DNAH7: variants seen among roughly 807,000 people sequenced by gnomAD.
The protein encoded by DNAH7 is dynein axonemal heavy chain 7.
In DNAH7, 397 loss-of-function variants were observed where a neutral mutation model predicts 444.6. The observed-to-expected ratio is 0.89, with a 90% CI of 0.82 to 0.97. The LOEUF is 0.97. Ranked by LOEUF, DNAH7 falls within the 50% of genes least tolerant of loss-of-function variation. The pLI, the probability that DNAH7 is intolerant of heterozygous loss-of-function variation, is 0.00. For missense variants in DNAH7, 4,902 were observed against 4,800.8 expected, an observed-to-expected ratio of 1.02 and a Z score of -0.62; for synonymous variants, 1,636 against 1,624.4, an observed-to-expected ratio of 1.01 and a Z score of -0.17.
rs1694797149 is a variant in DNAH7, at chr2:196,012,793, A to C, written c.983T>G (p.Leu328Arg). The stretch of plus-strand genomic sequence containing the variant: ...TGAAATTTCAAACCTTTACATTTTA[A>C]GTAGAGTCTCTTTGGCAGAGTCCAT... Reference protein sequence around the residue: ...RHMDSAKETLLKMWFPEVQNI... With the variant: ...RHMDSAKETLRKMWFPEVQNI... Residue 328 changes from leucine to arginine, a missense_variant, in exon 10 of 65, where the codon CTT becomes CGT. Coordinates refer to ENST00000312428, the MANE Select transcript of DNAH7 (RefSeq NM_018897.3). 2 of 1,599,396 alleles carry C rather than the reference A, an allele frequency of 1.3e-6. No individual in the cohort carries two copies. Among genetic ancestry groups the C allele is most frequent in the East Asian group, 4.6e-5 (2 of 43,912 alleles).
intron 60 of DNAH7, among the ~76,000 whole-genome samples, chr2:195,773,024 G>C (rs538334755): frequency 6.6e-6 from 1 of 152,018 alleles, no homozygotes; most frequent in East Asian, 1.9e-4. Flanking sequence ...CAGGTGATCC[G>C]CCTGCCTCGG....
At chr2:195,764,898 T>C (rs964315597) in intron 61 of DNAH7, among the ~76,000 whole-genome samples, 1 of 151,282 alleles carries the variant, frequency 6.6e-6, no homozygotes, top group Non-Finnish European at 1.5e-5. Flanking sequence ...CTAAAACTTA[T>C]ATGGAACCAC....
chr2:196,045,166 G>A (rs780600516), intron 5 of DNAH7, among the ~76,000 whole-genome samples: 1 of 149,018 alleles, frequency 6.7e-6, no homozygotes, highest in Non-Finnish European at 1.5e-5. Flanking sequence ...AGAAGAAGGA[G>A]GAGGAGGAGG....
At position 195,897,717 on chromosome 2, in the gene DNAH7, T is replaced by A; in HGVS notation, c.4597A>T (p.Ile1533Phe). The A allele has an allele frequency of 6.2e-7, 1 of 1,602,928 alleles. No individual in the cohort carries two copies. The highest frequency in any genetic ancestry group is 1.1e-5 in the South Asian group (1 of 88,734). Residue 1533 changes from isoleucine (I) to phenylalanine (F), a missense_variant, in exon 29 of 65, where the codon ATT becomes TTT. By Grantham distance (21) the Ile-to-Phe change is conservative (BLOSUM62 0). Transcript: ENST00000312428. The stretch of plus-strand genomic sequence containing the variant: ...AAAAATTTTGGCAGATTTACATCAA[T>A]GATAGATCTAAGCAGCAAAATTTCT... The part of the protein sequence containing the change: ...NEEILLLRSI[I>F]DVNLPKFLSH...
At chr2:195,820,724 T>C (rs1697425842) in intron 49 of DNAH7, among the ~76,000 whole-genome samples, 1 of 152,178 alleles carries the variant, frequency 6.6e-6, no homozygotes, top group South Asian at 2.1e-4. Flanking sequence ...AGCTAAAAAA[T>C]GCCATTTTGG....
intron 64 of DNAH7, among the ~76,000 whole-genome samples, 141 bp downstream of exon 64, chr2:195,740,611 GTGTGTATATATATA>G (rs1389440094): frequency 0.027 from 1,809 of 66,062 alleles, 21 homozygotes; most frequent in Admixed American, 0.041. Flanking sequence ...GTGTGTGTGT[GTGTGTATATATATA>G]TATATATATA....
chr2:195,807,897 T>C (rs1696785463), intron 53 of DNAH7, among the ~76,000 whole-genome samples: 2 of 152,226 alleles, frequency 1.3e-5, no homozygotes, highest in African/African-American at 2.4e-5. Context: ...TTCCAAATAT[T>C]TGAATTCGTG....
rs145095135 is a variant in DNAH7 at position 195,876,796 on chromosome 2, C to T, written c.5962-97G>A. The T allele has an allele frequency of 5.5e-5, 45 of 816,344 alleles. No homozygotes were observed. In the East Asian group the frequency reaches 1.1e-3, roughly 20 times the overall value. 50.6% of individuals were successfully genotyped at this position (816,344 alleles called of 1,614,324 possible). On this transcript the variant is annotated intron_variant, in intron 36 of 64. Transcript: ENST00000312428. ...TCATTACTGATAGACTCGAATTTAA[C>T]CTTAAGTGTTGTAACATTGTACAAA...
At chr2:195,752,717 A>G (rs979337210) in intron 63 of DNAH7, among the ~76,000 whole-genome samples, 19 of 152,154 alleles carry the variant, frequency 1.2e-4, no homozygotes, top group Non-Finnish European at 2.8e-4. Context: ...GATGTACTGG[A>G]AACAAAGAGA....
chr2:195,973,214 T>C (rs1363450538), intron 15 of DNAH7, among the ~76,000 whole-genome samples: 1 of 152,154 alleles, frequency 6.6e-6, no homozygotes, highest in African/African-American at 2.4e-5. Flanking sequence ...GTTTCATTTA[T>C]CCCAGTACTG....
chr2:195,748,533 T>C (rs1693573571), intron 63 of DNAH7, among the ~76,000 whole-genome samples: 1 of 152,130 alleles, frequency 6.6e-6, no homozygotes, highest in African/African-American at 2.4e-5. Context: ...GCGAAGTCAA[T>C]CCTAAGCCAA....
chr2:195,905,733 G>T (rs994106604), intron 27 of DNAH7: 2 of 150,936 alleles, frequency 1.3e-5, no homozygotes, highest in South Asian at 2.1e-4. Flanking sequence ...AAAATGGTGT[G>T]TTTTTTTTTA....
In DNAH7 at chr2:196,026,708, C is replaced by G. The variant is rs549770614; in HGVS notation, c.667+52G>C. 9.3e-6 allele frequency: 12 copies of G among 1,296,396 alleles called. No homozygotes were observed. In the East Asian group the frequency reaches 1.9e-4, roughly 21 times the overall value. The allele number at this position is 1,296,396 out of a possible 1,614,324, so 80.3% of individuals were successfully genotyped here. On this transcript the variant is annotated intron_variant, in intron 7 of 64. Coordinates refer to ENST00000312428, the MANE Select transcript of DNAH7 (RefSeq NM_018897.3). ...TAGGTATTATTAATACAAAAATAATCTTTAATGAGACACATATTTGAATTA... is the reference window on the plus strand; with the variant it reads ...TAGGTATTATTAATACAAAAATAATGTTTAATGAGACACATATTTGAATTA...
chr2:195,933,328 A>G (rs982707646), intron 21 of DNAH7, among the ~76,000 whole-genome samples: 127 of 152,312 alleles, frequency 8.3e-4, no homozygotes, highest in Non-Finnish European at 1.5e-3. Context: ...AACCATTGTG[A>G]AAGTCAGTGT....
Position 195,970,004 on chromosome 2 carries a change from G to T in DNAH7, c.2149C>A (p.Arg717=), listed in dbSNP as rs770254930. ...YSFGDLQDVQ[R]YLKKAQILNG... The stretch of plus-strand genomic sequence containing the variant: ...AGTATTTGAGCCTTTTTTAGGTACC[G>T]CTGAACATCCTGAAGATCTCCAAAT... Residue 717 remains arginine, a synonymous_variant, in exon 17 of 65, where the codon CGG becomes AGG. Transcript: ENST00000312428. 1 of 1,611,942 alleles carries T rather than the reference G, an allele frequency of 6.2e-7. No individual in the cohort carries two copies. The highest frequency in any genetic ancestry group is 8.5e-7 in the Non-Finnish European group (1 of 1,179,252).
At chr2:195,829,060 G>C (rs918313848) in intron 48 of DNAH7, among the ~76,000 whole-genome samples, 1 of 151,996 alleles carries the variant, frequency 6.6e-6, no homozygotes, top group Admixed American at 6.5e-5. Context: ...AGCCTTCTCT[G>C]GTTTTTCTGA....
intron 64 of DNAH7, among the ~76,000 whole-genome samples, 157 bp from the exon 65 acceptor site, chr2:195,738,284 C>T (rs549858847): frequency 6.6e-6 from 1 of 152,262 alleles, no homozygotes; most frequent in East Asian, 1.9e-4. Context: ...TTGCTCAAAA[C>T]ATTTTATAGA....
chr2:195,918,361 T>C (rs1180205320), intron 24 of DNAH7, among the ~76,000 whole-genome samples: 1 of 152,236 alleles, frequency 6.6e-6, no homozygotes, highest in Non-Finnish European at 1.5e-5. Flanking sequence ...GGAAACAATC[T>C]AGCAGTTTCT....
At chr2:196,003,670 A>G (rs1228844475) in intron 10 of DNAH7, among the ~76,000 whole-genome samples, 1 of 152,218 alleles carries the variant, frequency 6.6e-6, no homozygotes, top group East Asian at 1.9e-4. Context: ...TGGGTATTGA[A>G]GGACAGAAGA....
Sources: gnomAD v4.1 joint callset for allele counts (sites outside exome capture counted in the v4.1 genomes callset) on GRCh38, gnomAD v4.1.1 for gene constraint, MANE v1.5 for transcripts, NCBI Gene and HGNC (gene_info 2026-07-23, HGNC 2026-07-21) for gene names.